The following CLDN14 variants were observed in gnomAD, a reference collection of about 807,000 sequenced individuals.
The protein encoded by CLDN14 is claudin 14.
Under a neutral mutation model 2.1 loss-of-function variants are expected in CLDN14, and 2 were observed. The observed-to-expected ratio is 0.96, with a 90% CI of 0.39 to 3.01. The LOEUF is 3.01. Among genes scored for constraint, CLDN14 ranks in the 30% most tolerant of loss-of-function variants. The pLI, the probability that CLDN14 is intolerant of heterozygous loss-of-function variation, is 0.09. For synonymous variants in CLDN14, 136 were observed against 154.4 expected (o/e 0.88, Z 0.88); for missense variants, 298 against 328.0 (o/e 0.91, Z 0.71).
chr21:36,469,173 C>T lies in CLDN14; in HGVS notation c.-81-7397G>A, dbSNP rs529445171. ...TACTTTAGAGGGGCTATTTTTAGCACATCTTCTTACAGAAATATGTAAGAA... is the reference window on the plus strand; with the variant it reads ...TACTTTAGAGGGGCTATTTTTAGCATATCTTCTTACAGAAATATGTAAGAA... On this transcript the variant is annotated intron_variant, in intron 1 of 1. Coordinates refer to ENST00000399135, the MANE Select transcript of CLDN14 (RefSeq NM_001146079.2). Among the ~76,000 whole-genome samples, 29 of 152,270 alleles carry T rather than the reference C, an allele frequency of 1.9e-4. 1 individual carries two copies. In the South Asian group the frequency reaches 5.8e-3, roughly 30 times the overall value.
intron 1 of CLDN14, among the ~76,000 whole-genome samples, chr21:36,523,058 C>T (rs772198881): frequency 6.6e-6 from 1 of 152,190 alleles, no homozygotes; most frequent in Non-Finnish European, 1.5e-5. Flanking sequence ...CTCCCCACCT[C>T]CCCAGGGACA....
At chr21:36,505,833 G>C (rs2087127467) in intron 2 of CLDN14, among the ~76,000 whole-genome samples, 1 of 152,212 alleles carries the variant, frequency 6.6e-6, no homozygotes, top group African/African-American at 2.4e-5. Context: ...CAGCCGGCTT[G>C]GATGGAGGGG....
chr21:36,506,235 G>C (rs1442986413), intron 2 of CLDN14, among the ~76,000 whole-genome samples: 1 of 152,224 alleles, frequency 6.6e-6, no homozygotes, highest in Non-Finnish European at 1.5e-5. Context: ...AGAGTTCCAA[G>C]ACACAATGTT....
chr21:36,539,421 GGAGTGTGTGTGTGGAAT>G (rs2087461678), intron 1 of CLDN14, among the ~76,000 whole-genome samples: 1 of 148,204 alleles, frequency 6.7e-6, no homozygotes, highest in African/African-American at 2.5e-5. Flanking sequence ...GAGTGACTGT[GGAGTGTGTGTGTGGAAT>G]GAGTGTGTGT....
intron 1 of CLDN14, among the ~76,000 whole-genome samples, chr21:36,518,351 A>G (rs547433681): frequency 5.6e-4 from 86 of 152,334 alleles, no homozygotes; most frequent in African/African-American, 2.0e-3. Context: ...CTGTAATCCC[A>G]GCATTTTGGG....
chr21:36,462,119 A>C (rs1601589281), intron 1 of CLDN14, among the ~76,000 whole-genome samples: 1 of 152,298 alleles, frequency 6.6e-6, no homozygotes, highest in Middle Eastern at 3.4e-3. Context: ...TGTTAAATCA[A>C]CATGTATTAT....
chr21:36,564,163 G>A (rs1387595803), intron 1 of CLDN14, among the ~76,000 whole-genome samples: 1 of 152,200 alleles, frequency 6.6e-6, no homozygotes, highest in African/African-American at 2.4e-5. Flanking sequence ...GTGTTTGTCA[G>A]CAAAATTAGC....
chr21:36,537,742 T>G (rs934970258), intron 1 of CLDN14, among the ~76,000 whole-genome samples: 1 of 151,234 alleles, frequency 6.6e-6, no homozygotes, highest in Non-Finnish European at 1.5e-5. Context: ...CTCCACTTCC[T>G]GGGTTCAAGC....
intron 1 of CLDN14, among the ~76,000 whole-genome samples, chr21:36,560,626 G>C (rs1337513069): frequency 6.6e-6 from 1 of 152,166 alleles, no homozygotes; most frequent in Non-Finnish European, 1.5e-5. Flanking sequence ...GGTAGTGATG[G>C]TGTCACTTAG....
rs138631461 is a variant in CLDN14 at position 36,461,359 on chromosome 21, C to T, written c.337G>A (p.Ala113Thr). ...KCTRCAKGTP[A>T]KTTFAILGGT... ...CCGAGGATGGCAAAGGTGGTCTTGG[C>T]GGGTGTGCCCTTGGCGCAGCGCGTG... Residue 113 changes from alanine (A) to threonine (T), a missense_variant, in exon 2 of 2, where the codon GCC becomes ACC. Transcript: ENST00000399135. 1.2e-5 allele frequency: 19 copies of T among 1,613,046 alleles called. No homozygotes were observed. Among genetic ancestry groups the T allele is most frequent in the Middle Eastern group, 1.6e-4 (1 of 6,062 alleles).
intron 1 of CLDN14, 46 bp from the exon 2 acceptor site, chr21:36,461,822 G>A: frequency 3.1e-6 from 4 of 1,298,714 alleles, no homozygotes; most frequent in Non-Finnish European, 4.2e-6. Context: ...AAGGAAATGG[G>A]TTAAAGATTA....
At chr21:36,524,223 C>T (rs1225045449) in intron 1 of CLDN14, among the ~76,000 whole-genome samples, 1 of 152,024 alleles carries the variant, frequency 6.6e-6, no homozygotes. Context: ...CGGGCTCCAG[C>T]GAGCCTCCTG....
At position 36,498,824 on chromosome 21, in the gene CLDN14, G is replaced by C. The variant is rs923649446; in HGVS notation, c.-82+11539C>G. 1.1e-4 allele frequency among the ~76,000 whole-genome samples: 17 copies of C among 152,178 alleles called. No individual in the cohort carries two copies. Among genetic ancestry groups the C allele is most frequent in the Admixed American group, 1.0e-3 (16 of 15,270 alleles). On this transcript the variant is annotated intron_variant, in intron 2 of 2. Transcript: ENST00000342108. This position sits in a 1 kb window ranked among gnomAD's most constrained non-coding sequence, Gnocchi z 4.9. The stretch of plus-strand genomic sequence containing the variant: ...CTGGACACCATCAGCCCTGCACGAA[G>C]GTGGCCGCTGAGGGGCCCTCATGGG...
At chr21:36,488,246 C>CTTCCTTCT (rs1467289425) in intron 2 of CLDN14, among the ~76,000 whole-genome samples, 2 of 147,780 alleles carry the variant, frequency 1.4e-5, no homozygotes, top group Non-Finnish European at 3.0e-5. Flanking sequence ...TCCTTCCTTC[C>CTTCCTTCT]TTCCTTCCTT....
chr21:36,484,814 A>G (rs1268161415), upstream of CLDN14, among the ~76,000 whole-genome samples: 1 of 152,178 alleles, frequency 6.6e-6, no homozygotes, highest in Non-Finnish European at 1.5e-5. Flanking sequence ...GCCGGGTTCA[A>G]GTGATTCTCC....
In CLDN14 at chr21:36,512,301, C is replaced by T. The variant is rs939466934; in HGVS notation, c.-219-1801G>A. Reference sequence around the variant, plus strand: ...AGACTGTGGTGCTGTGTCCCTTCTACGAGCTGAGGGAGGGCTTCACCTGAG... The same window carrying T: ...AGACTGTGGTGCTGTGTCCCTTCTATGAGCTGAGGGAGGGCTTCACCTGAG... On this transcript the variant is annotated intron_variant, in intron 1 of 2. Coordinates refer to the CLDN14 transcript ENST00000342108. Among the ~76,000 whole-genome samples, 27 of 152,054 alleles carry T rather than the reference C, an allele frequency of 1.8e-4. 1 individual carries two copies. Among genetic ancestry groups the T allele is most frequent in the African/African-American group, 5.3e-4 (22 of 41,392 alleles).
At chr21:36,556,593 G>A (rs2087600638) in intron 1 of CLDN14, among the ~76,000 whole-genome samples, 1 of 152,150 alleles carries the variant, frequency 6.6e-6, no homozygotes, top group African/African-American at 2.4e-5. Context: ...CATCCTCAGT[G>A]GGAGGCTGGT....
rs1208772400 is a variant in CLDN14 at position 36,571,000 on chromosome 21, C to T, written c.-220+5411G>A. Among the ~76,000 whole-genome samples, 6 of 152,308 alleles carry T rather than the reference C, an allele frequency of 3.9e-5. No homozygotes were observed. In the East Asian group the frequency reaches 1.2e-3, roughly 29 times the overall value. ...GGGATTACAGGCACTCGCCACCACG[C>T]CCGGCTGATTTTTGTATTTTTAGTA... On this transcript the variant is annotated intron_variant, in intron 1 of 2. Transcript: ENST00000342108.
intron 2 of CLDN14, among the ~76,000 whole-genome samples, chr21:36,509,293 A>G: frequency 6.6e-6 from 1 of 152,162 alleles, no homozygotes; most frequent in Non-Finnish European, 1.5e-5. Flanking sequence ...CAGGCTGGAG[A>G]ACGCAACTGG....
Sources: allele counts gnomAD v4.1 joint callset (sites outside exome capture counted in the v4.1 genomes callset), GRCh38; gene constraint gnomAD v4.1.1; non-coding constraint Gnocchi (gnomAD v3.1); transcripts MANE v1.5; gene names NCBI Gene and HGNC (gene_info 2026-07-23, HGNC 2026-07-21).